The following RPS6KC1 variants were observed in gnomAD, a reference collection of about 807,000 sequenced individuals.
RPS6KC1 encodes the protein ribosomal protein S6 kinase C1.
A neutral mutation model predicts 103.8 loss-of-function variants in RPS6KC1; 54 were observed. The observed-to-expected ratio is 0.52, with a 90% CI of 0.42 to 0.65. The LOEUF is 0.65. Among genes scored for constraint, RPS6KC1 ranks in the 30% least tolerant of loss-of-function variants. The pLI is 0.00. For missense variants in RPS6KC1, 1,151 were observed against 1,253.8 expected, an observed-to-expected ratio of 0.92 and a Z score of 1.24; for synonymous variants, 439 against 438.7, an observed-to-expected ratio of 1.00 and a Z score of -0.01.
the RPS6KC1 span, among the ~76,000 whole-genome samples, chr1:213,754,579 G>A: frequency 1.3e-5 from 2 of 152,166 alleles, no homozygotes; most frequent in South Asian, 4.1e-4. Flanking sequence ...CTCTCTCTCA[G>A]TCCTGTTCCT....
the RPS6KC1 span, among the ~76,000 whole-genome samples, chr1:213,854,677 G>A: frequency 1.1e-4 from 16 of 151,530 alleles, no homozygotes; most frequent in African/African-American, 1.7e-4. Flanking sequence ...CTTCAAAGAC[G>A]TTTACAGACT....
chr1:213,754,619 C>G, the RPS6KC1 span, among the ~76,000 whole-genome samples: 2 of 152,224 alleles, frequency 1.3e-5, no homozygotes, highest in African/African-American at 4.8e-5. Flanking sequence ...CCCACTTTGT[C>G]TTCATCCATG....
the RPS6KC1 span, among the ~76,000 whole-genome samples, chr1:213,567,468 T>C: frequency 6.6e-6 from 1 of 152,218 alleles, no homozygotes; most frequent in Non-Finnish European, 1.5e-5. Context: ...CAGTATCAGC[T>C]CTGGGGTTCC....
the RPS6KC1 span, among the ~76,000 whole-genome samples, chr1:213,366,692 G>A: frequency 6.6e-6 from 1 of 152,192 alleles, no homozygotes; most frequent in African/African-American, 2.4e-5. Context: ...GACCCCTTCG[G>A]GTGTTAGTCC....
the RPS6KC1 span, among the ~76,000 whole-genome samples, chr1:213,543,399 G>A: frequency 1.3e-5 from 2 of 152,150 alleles, no homozygotes; most frequent in Non-Finnish European, 2.9e-5. Flanking sequence ...AGAAGACAGG[G>A]CAGGATCTGC....
the RPS6KC1 span, among the ~76,000 whole-genome samples, chr1:213,631,246 G>A: frequency 4.6e-5 from 7 of 152,144 alleles, no homozygotes; most frequent in Non-Finnish European, 7.4e-5. Flanking sequence ...ACTCCTCAGT[G>A]AGATGAACCC....
chr1:213,860,804 T>C, the RPS6KC1 span, among the ~76,000 whole-genome samples: 1 of 149,054 alleles, frequency 6.7e-6, no homozygotes, highest in Non-Finnish European at 1.5e-5. Flanking sequence ...GGGATTTCTC[T>C]TTTTCTTTTC....
intron 6 of RPS6KC1, among the ~76,000 whole-genome samples, chr1:213,145,999 T>C (rs1415146258): frequency 7.2e-6 from 1 of 138,700 alleles, no homozygotes; most frequent in East Asian, 2.0e-4. Flanking sequence ...TTTTTTGGTA[T>C]ATGTTAATCA....
chr1:213,573,010 T>C, the RPS6KC1 span, among the ~76,000 whole-genome samples: 2 of 152,072 alleles, frequency 1.3e-5, no homozygotes, highest in Non-Finnish European at 2.9e-5. Flanking sequence ...GGAAAAACAA[T>C]GTGATTTGGT....
the RPS6KC1 span, among the ~76,000 whole-genome samples, chr1:213,565,919 A>G: frequency 1.3e-5 from 2 of 149,692 alleles, no homozygotes; most frequent in Admixed American, 6.8e-5. Flanking sequence ...AGATCATGCC[A>G]TTGCACTCCA....
the RPS6KC1 span, among the ~76,000 whole-genome samples, chr1:213,324,753 G>T: frequency 2.6e-5 from 4 of 152,038 alleles, no homozygotes; most frequent in Non-Finnish European, 5.9e-5. Context: ...CGGGGAGGGG[G>T]TTGGAGGATA....
At chr1:213,186,100 TA>T (rs2092517777) in intron 8 of RPS6KC1, among the ~76,000 whole-genome samples, 1 of 151,912 alleles carries the variant, frequency 6.6e-6, no homozygotes, top group Non-Finnish European at 1.5e-5. Flanking sequence ...TAAAATCAGG[TA>T]ATTTGATAAA....
At chr1:213,385,190 G>A in the RPS6KC1 span, among the ~76,000 whole-genome samples, 3 of 152,242 alleles carry the variant, frequency 2.0e-5, no homozygotes, top group Non-Finnish European at 4.4e-5. Flanking sequence ...GAAAGAGGTG[G>A]TGTCCGGGCC....
the RPS6KC1 span, among the ~76,000 whole-genome samples, chr1:213,481,783 T>G: frequency 6.6e-6 from 1 of 152,238 alleles, no homozygotes; most frequent in Non-Finnish European, 1.5e-5. Context: ...TATACATAAA[T>G]TATAAATTAT....
At chr1:213,204,620 CTTT>C (rs35617516) in intron 8 of RPS6KC1, among the ~76,000 whole-genome samples, 4 of 127,648 alleles carry the variant, frequency 3.1e-5, no homozygotes, top group African/African-American at 2.9e-5. Flanking sequence ...TTAATTGTCA[CTTT>C]TTTTTTTTTT....
At chr1:213,739,506 A>G in the RPS6KC1 span, among the ~76,000 whole-genome samples, 43,584 of 152,008 alleles carry the variant, frequency 0.29, 7,210 homozygotes, top group African/African-American at 0.44. Flanking sequence ...CAAAGAATTA[A>G]TACAAGAGAA....
the RPS6KC1 span, among the ~76,000 whole-genome samples, chr1:213,459,107 A>T: frequency 6.6e-6 from 1 of 152,162 alleles, no homozygotes; most frequent in Non-Finnish European, 1.5e-5. Context: ...TATCAGGAAG[A>T]TGCTGGCCTC....
the RPS6KC1 span, among the ~76,000 whole-genome samples, chr1:213,395,430 C>T: frequency 2.6e-5 from 4 of 152,226 alleles, no homozygotes; most frequent in Non-Finnish European, 5.9e-5. Flanking sequence ...CTCTCCCCTA[C>T]TCACTAGTCA....
chr1:213,291,739 C>T, the RPS6KC1 span, among the ~76,000 whole-genome samples: 1 of 152,154 alleles, frequency 6.6e-6, no homozygotes, highest in Non-Finnish European at 1.5e-5. Flanking sequence ...TTCCTTGGGG[C>T]AGAATCCTCC....
Sources: allele counts gnomAD v4.1 joint callset (sites outside exome capture counted in the v4.1 genomes callset), GRCh38; gene constraint gnomAD v4.1.1; transcripts MANE v1.5; gene names NCBI Gene and HGNC (gene_info 2026-07-23, HGNC 2026-07-21).